The following SLC2A5 variants were observed in gnomAD, a reference collection of about 807,000 sequenced individuals.
The protein encoded by SLC2A5 is solute carrier family 2 member 5, also known as solute carrier family 2, facilitated glucose transporter member 5.
In SLC2A5, 56 loss-of-function variants were observed where a neutral mutation model predicts 50.3. That is an observed-to-expected ratio of 1.11 (90% CI 0.90 to 1.39). SLC2A5 has a LOEUF of 1.39. Ranked by LOEUF, SLC2A5 falls within the 40% of genes most tolerant of loss-of-function variation. The pLI, the probability that SLC2A5 is intolerant of heterozygous loss-of-function variation, is 0.00. For synonymous variants in SLC2A5, 269 were observed against 281.9 expected (o/e 0.95, Z 0.46); for missense variants, 566 against 650.1 (o/e 0.87, Z 1.41).
At chr1:9,081,102 CA>C (rs1642345663) in intron 2 of SLC2A5, among the ~76,000 whole-genome samples, 2 of 151,030 alleles carry the variant, frequency 1.3e-5, no homozygotes, top group Non-Finnish European at 1.5e-5. Flanking sequence ...AATAAACAAA[CA>C]AAAAAAATTA....
chr1:9,084,896 T>G (rs1642387946), intron 2 of SLC2A5: 1 of 152,280 alleles, frequency 6.6e-6, no homozygotes, highest in Admixed American at 6.5e-5. Context: ...GCCACATCCC[T>G]GGTGGTTCAA....
chr1:9,070,441 TCA>T (rs1642191152), upstream of SLC2A5, among the ~76,000 whole-genome samples: 2 of 152,008 alleles, frequency 1.3e-5, no homozygotes, highest in Admixed American at 1.3e-4. Flanking sequence ...TGTGTATTCA[TCA>T]CTACTGGGAA....
intron 1 of SLC2A5, among the ~76,000 whole-genome samples, chr1:9,060,202 A>T (rs1641889658): frequency 6.8e-6 from 1 of 147,380 alleles, no homozygotes; most frequent in Non-Finnish European, 1.5e-5. Context: ...CACACACTAC[A>T]CACACGCCCC....
chr1:9,081,468 TAAAAAA>T lies in SLC2A5; in HGVS notation c.-59+3540_-59+3545del, dbSNP rs34557003. 3.9e-4 allele frequency among the ~76,000 whole-genome samples: 40 copies of T among 102,468 alleles called. No homozygotes were observed. The South Asian group carries it at 0.011, about 28-fold the overall frequency. 67.2% of individuals were successfully genotyped at this position (102,468 alleles called of 152,430 possible). A position where few individuals can be genotyped will look rare whatever the true frequency, so the allele number is the denominator to read the frequency against. ...GGCAATGGAGGTAGACTCCTTCTCT[TAAAAAA>T]AAAAAAAAAAAAAAAGTAAAAAGAC... On this transcript the variant is annotated intron_variant, in intron 2 of 5. Coordinates refer to the SLC2A5 transcript ENST00000464985.
chr1:9,070,324 A>AC (rs1454650659), upstream of SLC2A5, among the ~76,000 whole-genome samples: 1 of 150,712 alleles, frequency 6.6e-6, no homozygotes, highest in African/African-American at 2.4e-5. Flanking sequence ...CAAGTGATCC[A>AC]CCCTCCTTGG....
At chr1:9,050,446 C>T (rs1452768733) in intron 3 of SLC2A5, among the ~76,000 whole-genome samples, 1 of 151,814 alleles carries the variant, frequency 6.6e-6, no homozygotes. Flanking sequence ...GACAGAGTGA[C>T]ACCCTGTCTC....
At chr1:9,042,368 C>T (rs1641324816) in intron 4 of SLC2A5, among the ~76,000 whole-genome samples, 1 of 152,036 alleles carries the variant, frequency 6.6e-6, no homozygotes, top group Non-Finnish European at 1.5e-5. Flanking sequence ...TGAGACCAGC[C>T]TGGGCAACAT....
Position 9,040,723 on chromosome 1 carries a change from A to G in SLC2A5, c.572-534T>C. The G allele has an allele frequency of 6.4e-6, 1 of 155,282 alleles. No homozygotes were observed. Among genetic ancestry groups the G allele is most frequent in the Admixed American group, 6.3e-5 (1 of 15,780 alleles). 9.6% of individuals were successfully genotyped at this position (155,282 alleles called of 1,614,324 possible). ...GCAAAAAAATGAAGCACAGAGCTTC[A>G]CAAATGCCTAGAGGGCCGTGTGTGG... On this transcript the variant is annotated intron_variant, in intron 5 of 11. Coordinates refer to ENST00000377424, the MANE Select transcript of SLC2A5 (RefSeq NM_003039.3). This position sits in a 1 kb window ranked among gnomAD's most constrained non-coding sequence, Gnocchi z 4.3.
exon 2 of SLC2A5, chr1:9,085,086 T>A (rs566789627): frequency 6.6e-6 from 1 of 152,492 alleles, no homozygotes; most frequent in African/African-American, 2.4e-5. Flanking sequence ...CACAGCACTC[T>A]ATGCCTGCTC....
intron 1 of SLC2A5, among the ~76,000 whole-genome samples, chr1:9,066,487 G>A (rs1022138571): frequency 1.3e-5 from 2 of 152,074 alleles, no homozygotes; most frequent in African/African-American, 2.4e-5. Context: ...CGCTTGCCTC[G>A]GCCTCCCAAA....
intron 1 of SLC2A5, among the ~76,000 whole-genome samples, chr1:9,086,015 G>C (rs1291858716): frequency 6.6e-6 from 1 of 152,208 alleles, no homozygotes; most frequent in Non-Finnish European, 1.5e-5. Flanking sequence ...TTCCCTCCCA[G>C]GTCCTCTGTT....
intron 1 of SLC2A5, among the ~76,000 whole-genome samples, chr1:9,085,462 G>A (rs957185201): frequency 1.3e-5 from 2 of 152,218 alleles, no homozygotes; most frequent in Non-Finnish European, 1.5e-5. Context: ...AGAAAGGAAT[G>A]TCTGTAAGAT....
intron 1 of SLC2A5, among the ~76,000 whole-genome samples, chr1:9,060,134 C>CTACAT (rs1557676033): frequency 6.3e-5 from 6 of 94,684 alleles, no homozygotes; most frequent in South Asian, 3.8e-4. Flanking sequence ...ACACACAACA[C>CTACAT]ACACACTACA....
chr1:9,062,453 G>A (rs1286140725), intron 1 of SLC2A5, among the ~76,000 whole-genome samples: 1 of 152,162 alleles, frequency 6.6e-6, no homozygotes, highest in East Asian at 1.9e-4. Flanking sequence ...TGGAGCGTGG[G>A]GAAAGGAGGG....
chr1:9,038,292 A>G, intron 10 of SLC2A5, 139 bp downstream of exon 10: 2 of 718,006 alleles, frequency 2.8e-6, no homozygotes, highest in Non-Finnish European at 4.9e-6. Context: ...TGTGCCACCC[A>G]CCCCCTTGCG....
At chr1:9,063,006 AG>A (rs1243541716) in intron 1 of SLC2A5, among the ~76,000 whole-genome samples, 1 of 152,246 alleles carries the variant, frequency 6.6e-6, no homozygotes, top group Non-Finnish European at 1.5e-5. Context: ...AGGGGTTAAA[AG>A]TACCAGCTTT....
At chr1:9,088,125 C>T (rs12755780) in intron 1 of SLC2A5, among the ~76,000 whole-genome samples, 28,733 of 151,844 alleles carry the variant, frequency 0.19, 3,133 homozygotes, top group East Asian at 0.45. Context: ...TCTTAGATCC[C>T]GACCCTCCCT....
chr1:9,065,023 A>G (rs1411729962), intron 1 of SLC2A5, among the ~76,000 whole-genome samples: 4 of 150,248 alleles, frequency 2.7e-5, no homozygotes, highest in Admixed American at 1.3e-4. Context: ...ATTGCACTCC[A>G]GGATGGGCAA....
rs181222801 is a variant in SLC2A5 at position 9,035,987 on chromosome 1, G to C, written c.*1599C>G. On this transcript the variant is annotated 3_prime_UTR_variant, in exon 12 of 12. Transcript: ENST00000377424. ...CCCCATGATTCAATTATCTCCCACA[G>C]GGTCCCTCCCAGAACACATGGGAAT... 35 of 152,264 alleles carry C rather than the reference G, an allele frequency of 2.3e-4. No individual in the cohort carries two copies. Among genetic ancestry groups the C allele is most frequent in the African/African-American group, 8.4e-4 (35 of 41,530 alleles). 9.4% of individuals were successfully genotyped at this position (152,264 alleles called of 1,614,324 possible).
Sources: gnomAD v4.1 joint callset for allele counts (sites outside exome capture counted in the v4.1 genomes callset) on GRCh38, gnomAD v4.1.1 for gene constraint, Gnocchi (gnomAD v3.1) non-coding constraint, MANE v1.5 for transcripts, NCBI Gene and HGNC (gene_info 2026-07-23, HGNC 2026-07-21) for gene names.